Variants in IMMP2L observed in about 807,000 individuals in gnomAD.
IMMP2L encodes the protein inner mitochondrial membrane peptidase subunit 2.
Under a neutral mutation model 19.3 loss-of-function variants are expected in IMMP2L, and 18 were observed. The ratio of observed to expected loss-of-function variants is 0.93; its 90% CI spans 0.64 to 1.38. The LOEUF (loss-of-function observed/expected upper bound fraction) is 1.38. Ranked by LOEUF, IMMP2L falls within the 40% of genes most tolerant of loss-of-function variation. The pLI, the probability that IMMP2L is intolerant of heterozygous loss-of-function variation, is 0.00. For missense variants in IMMP2L, 233 were observed against 218.2 expected, an observed-to-expected ratio of 1.07 and a Z score of -0.43; for synonymous variants, 76 against 73.0, an observed-to-expected ratio of 1.04 and a Z score of -0.21.
chr7:111,125,783 A>T (rs911864893), intron 3 of IMMP2L, among the ~76,000 whole-genome samples: 1 of 150,874 alleles, frequency 6.6e-6, no homozygotes, highest in South Asian at 2.1e-4. Context: ...GTCTTATTTT[A>T]ATAATTAGCA....
chr7:111,338,236 G>T (rs555172271), intron 3 of IMMP2L, among the ~76,000 whole-genome samples: 1 of 152,248 alleles, frequency 6.6e-6, no homozygotes, highest in South Asian at 2.1e-4. Context: ...TTGTAGGAAA[G>T]ATGTGTAGAA....
intron 5 of IMMP2L, among the ~76,000 whole-genome samples, chr7:110,731,417 T>A (rs1437793487): frequency 6.6e-6 from 1 of 152,160 alleles, no homozygotes; most frequent in Non-Finnish European, 1.5e-5. Context: ...AAGAATGTAT[T>A]TAGTATTTAT....
intron 5 of IMMP2L, among the ~76,000 whole-genome samples, chr7:110,819,099 T>TA (rs1333356473): frequency 6.7e-6 from 1 of 148,804 alleles, no homozygotes; most frequent in African/African-American, 2.4e-5. Flanking sequence ...CCCTAAAACT[T>TA]AAAGTATAAT....
At chr7:110,804,777 CG>C (rs1434878019) in intron 5 of IMMP2L, among the ~76,000 whole-genome samples, 18 of 152,160 alleles carry the variant, frequency 1.2e-4, no homozygotes, top group African/African-American at 4.3e-4. Context: ...AATCCAGCTT[CG>C]GCCATGCTAA....
chr7:111,548,851 C>T (rs1362769998), intron 1 of IMMP2L, among the ~76,000 whole-genome samples: 1 of 152,128 alleles, frequency 6.6e-6, no homozygotes, highest in Non-Finnish European at 1.5e-5. Flanking sequence ...CATACAGAGA[C>T]TGGTCATAAG....
chr7:111,546,802 T>C (rs1435221848), intron 1 of IMMP2L, among the ~76,000 whole-genome samples: 2 of 152,168 alleles, frequency 1.3e-5, no homozygotes, highest in Non-Finnish European at 2.9e-5. Context: ...CAGTGAATTT[T>C]GTGATATAGT....
intron 3 of IMMP2L, among the ~76,000 whole-genome samples, chr7:111,089,535 T>C (rs6975100): frequency 0.017 from 2,647 of 152,046 alleles, 91 homozygotes; most frequent in African/African-American, 0.061. Flanking sequence ...AATTAAGGGG[T>C]AAGAAGGATG....
At chr7:111,132,560 A>G (rs972004155) in intron 3 of IMMP2L, among the ~76,000 whole-genome samples, 1 of 152,092 alleles carries the variant, frequency 6.6e-6, no homozygotes, top group African/African-American at 2.4e-5. Flanking sequence ...TTAGAGAGTC[A>G]GATGTCATTG....
intron 5 of IMMP2L, among the ~76,000 whole-genome samples, chr7:110,830,149 A>C: frequency 6.6e-6 from 1 of 152,164 alleles, no homozygotes; most frequent in East Asian, 1.9e-4. Context: ...AAAGAGGTTA[A>C]AAAAGGAATG....
chr7:110,745,046 T>C (rs1295318242), intron 5 of IMMP2L, among the ~76,000 whole-genome samples: 1 of 152,032 alleles, frequency 6.6e-6, no homozygotes, highest in Admixed American at 6.6e-5. Flanking sequence ...ACCAGTTGAG[T>C]GAAGAATACA....
At chr7:111,330,737 C>G (rs1471778357) in intron 3 of IMMP2L, among the ~76,000 whole-genome samples, 2 of 151,600 alleles carry the variant, frequency 1.3e-5, no homozygotes, top group Non-Finnish European at 2.9e-5. Context: ...AGCAAGAAAA[C>G]CAAAAATCCA....
Position 110,770,160 on chromosome 7 carries a change from C to T in IMMP2L, c.409-106439G>A, listed in dbSNP as rs577960503. Among the ~76,000 whole-genome samples the T allele has an allele frequency of 3.3e-5, 5 of 152,258 alleles. No homozygotes were observed. In the East Asian group the frequency reaches 7.7e-4, roughly 24 times the overall value. On this transcript the variant is annotated intron_variant, in intron 5 of 5. Coordinates refer to ENST00000405709, the MANE Select transcript of IMMP2L (RefSeq NM_032549.4). Reference sequence around the variant, plus strand: ...AATCTAGAAGATAAACCTAATAGTGCTATAAAATCTCAGGCACTTAAATAA... The same window carrying T: ...AATCTAGAAGATAAACCTAATAGTGTTATAAAATCTCAGGCACTTAAATAA...
chr7:111,029,381 C>T (rs958262540), intron 3 of IMMP2L, among the ~76,000 whole-genome samples: 12 of 152,132 alleles, frequency 7.9e-5, no homozygotes, highest in Admixed American at 7.2e-4. Flanking sequence ...TAGGGAAGTA[C>T]TCTCTCCATA....
intron 2 of IMMP2L, among the ~76,000 whole-genome samples, chr7:111,509,286 A>G (rs1456281131): frequency 6.6e-6 from 1 of 152,178 alleles, no homozygotes; most frequent in Non-Finnish European, 1.5e-5. Flanking sequence ...ACCCCAGATT[A>G]TGTAATAAAA....
chr7:111,283,667 A>T (rs944564883), intron 3 of IMMP2L, among the ~76,000 whole-genome samples: 3 of 152,118 alleles, frequency 2.0e-5, no homozygotes, highest in Non-Finnish European at 4.4e-5. Flanking sequence ...GACATCATTA[A>T]AGTTGTAAAA....
intron 3 of IMMP2L, among the ~76,000 whole-genome samples, chr7:111,059,595 A>G (rs1348805957): frequency 6.6e-6 from 1 of 152,138 alleles, no homozygotes; most frequent in Non-Finnish European, 1.5e-5. Context: ...AGGGACTAAA[A>G]TAGTGGCTAA....
chr7:111,523,095 G>T (rs1846513252), intron 1 of IMMP2L, among the ~76,000 whole-genome samples: 1 of 151,922 alleles, frequency 6.6e-6, no homozygotes, highest in Non-Finnish European at 1.5e-5. Context: ...GTAGAGAGTA[G>T]AAGGGTAGTT....
chr7:111,473,172 G>A (rs929385998), intron 3 of IMMP2L, among the ~76,000 whole-genome samples: 1 of 152,024 alleles, frequency 6.6e-6, no homozygotes, highest in Non-Finnish European at 1.5e-5. Flanking sequence ...TAGATAAAAG[G>A]ATGGTGAAAA....
chr7:110,772,582 C>T (rs572618829), intron 5 of IMMP2L, among the ~76,000 whole-genome samples: 3 of 152,254 alleles, frequency 2.0e-5, no homozygotes, highest in African/African-American at 7.2e-5. Context: ...GTGGGCAAAT[C>T]CTCTCTTGAA....
Sources: gnomAD v4.1 joint callset for allele counts (sites outside exome capture counted in the v4.1 genomes callset) on GRCh38, gnomAD v4.1.1 for gene constraint, MANE v1.5 for transcripts, NCBI Gene and HGNC (gene_info 2026-07-23, HGNC 2026-07-21) for gene names.